The following TMEM131L variants were observed in gnomAD, a reference collection of about 807,000 sequenced individuals.
The protein encoded by TMEM131L is transmembrane 131 like, also known as transmembrane protein 131-like.
In TMEM131L, 54 loss-of-function variants were observed where a neutral mutation model predicts 192.2. The observed-to-expected ratio is 0.28, with a 90% CI of 0.23 to 0.35. The LOEUF (loss-of-function observed/expected upper bound fraction) is 0.35. Among genes scored for constraint, TMEM131L ranks in the 10% least tolerant of loss-of-function variants. TMEM131L has a pLI of 1.00. For missense variants in TMEM131L, 1,888 were observed against 1,972.9 expected (o/e 0.96, Z 0.82); for synonymous variants, 701 against 704.9 (o/e 0.99, Z 0.09).
rs1383140943 is a variant in TMEM131L at position 153,635,336 on chromosome 4, G to C, written c.4418-96G>C. The C allele has an allele frequency of 3.6e-5, 41 of 1,132,624 alleles. 1 individual carries two copies. Among genetic ancestry groups the C allele is most frequent in the Non-Finnish European group, 5.3e-5 (40 of 759,466 alleles). 70.2% of individuals were successfully genotyped at this position (1,132,624 alleles called of 1,614,324 possible). On this transcript the variant is annotated intron_variant, in intron 33 of 34. Transcript: ENST00000409959. ...AAGTATTTATGTCTGTAACTTGTCA[G>C]TATAGTGAGACCTTGAAAGCTTTTT...
intron 17 of TMEM131L, among the ~76,000 whole-genome samples, chr4:153,591,857 A>C (rs1233304316): frequency 6.6e-6 from 1 of 152,180 alleles, no homozygotes; most frequent in Non-Finnish European, 1.5e-5. Context: ...GGAGCTCCCA[A>C]AAAGAAAATC....
chr4:153,547,622 G>T (rs1737282450), intron 3 of TMEM131L, among the ~76,000 whole-genome samples: 1 of 151,952 alleles, frequency 6.6e-6, no homozygotes, highest in Non-Finnish European at 1.5e-5. Context: ...AGAGAATAAG[G>T]TTAGGACTTG....
chr4:153,623,228 ACTTT>A (rs1733582067), intron 29 of TMEM131L, 145 bp downstream of exon 29: 2 of 637,072 alleles, frequency 3.1e-6, no homozygotes, highest in African/African-American at 1.9e-5. Flanking sequence ...GGACTTACTC[ACTTT>A]CTTTTTCTTT....
rs1277444171 is a variant in TMEM131L at position 153,551,975 on chromosome 4, G to A, written c.308+1834G>A. Among the ~76,000 whole-genome samples the A allele has an allele frequency of 4.6e-5, 7 of 152,146 alleles. No homozygotes were observed. The East Asian group carries it at 9.7e-4, about 21-fold the overall frequency. On this transcript the variant is annotated intron_variant, in intron 4 of 34. Coordinates refer to ENST00000409959, the MANE Select transcript of TMEM131L (RefSeq NM_001131007.2). ...TGTAATCCCAGCACTCTGGGAGCCC[G>A]GGCTGGGCGGATCACTTGAGCTCAG... is the stretch of plus-strand genomic sequence containing the variant.
intron 4 of TMEM131L, among the ~76,000 whole-genome samples, chr4:153,552,707 A>G (rs1477148586): frequency 6.6e-6 from 1 of 151,842 alleles, no homozygotes; most frequent in Non-Finnish European, 1.5e-5. Flanking sequence ...GGTGGTGCAC[A>G]CCTGTACTTC....
intron 3 of TMEM131L, among the ~76,000 whole-genome samples, chr4:153,537,990 T>C (rs978938257): frequency 1.3e-5 from 2 of 152,206 alleles, no homozygotes; most frequent in Admixed American, 1.3e-4. Flanking sequence ...CACACAACAC[T>C]GAACAACTTT....
chr4:153,538,864 G>T lies in TMEM131L; in HGVS notation c.240-11209G>T, dbSNP rs530528963. On this transcript the variant is annotated intron_variant, in intron 3 of 34. Transcript: ENST00000409959. ...CCCAGGGTACTGGGATCTCCTACTC[G>T]TGGGACAAGGTGGAGACGTTTGTTT... 6.6e-5 allele frequency among the ~76,000 whole-genome samples: 10 copies of T among 152,320 alleles called. No individual in the cohort carries two copies. The East Asian group carries it at 1.9e-3, about 29-fold the overall frequency.
intron 3 of TMEM131L, among the ~76,000 whole-genome samples, chr4:153,516,800 TG>T (rs1324233691): frequency 6.6e-6 from 1 of 152,102 alleles, no homozygotes; most frequent in East Asian, 1.9e-4. Flanking sequence ...CAGTACTTTT[TG>T]TTCATCTTTT....
intron 26 of TMEM131L, among the ~76,000 whole-genome samples, chr4:153,613,848 T>C (rs1326459345): frequency 6.6e-6 from 1 of 152,230 alleles, no homozygotes; most frequent in African/African-American, 2.4e-5. Flanking sequence ...TTCTCTTTTA[T>C]TAAAACTTTA....
intron 3 of TMEM131L, among the ~76,000 whole-genome samples, chr4:153,547,187 TAG>T (rs1294952462): frequency 6.6e-6 from 1 of 152,234 alleles, no homozygotes; most frequent in Non-Finnish European, 1.5e-5. Context: ...GGGATCAAAA[TAG>T]AGTTTTCTTT....
At chr4:153,593,057 G>T (rs1353185509) in intron 18 of TMEM131L, among the ~76,000 whole-genome samples, 1 of 152,056 alleles carries the variant, frequency 6.6e-6, no homozygotes, top group African/African-American at 2.4e-5. Flanking sequence ...CTTATTTGAG[G>T]GTTCTCCACC....
intron 1 of TMEM131L, among the ~76,000 whole-genome samples, 195 bp from the exon 2 acceptor site, chr4:153,467,016 G>T (rs1730803685): frequency 6.6e-6 from 1 of 152,066 alleles, no homozygotes; most frequent in Admixed American, 6.5e-5. Context: ...TCGCCTTCGC[G>T]TCCGAGGGGC....
At chr4:153,582,255 G>GT (rs571988110) in intron 9 of TMEM131L, among the ~76,000 whole-genome samples, 20 of 150,874 alleles carry the variant, frequency 1.3e-4, no homozygotes, top group South Asian at 4.2e-4. Flanking sequence ...TTCTGTTTTT[G>GT]TTTTTTTTAG....
intron 29 of TMEM131L, among the ~76,000 whole-genome samples, chr4:153,623,407 G>T (rs1733595932): frequency 6.6e-6 from 1 of 152,082 alleles, no homozygotes. Context: ...GACTTCTATG[G>T]CACTAAGTGC....
chr4:153,576,284 G>T (rs1212167910), intron 7 of TMEM131L, among the ~76,000 whole-genome samples: 2 of 152,148 alleles, frequency 1.3e-5, no homozygotes, highest in African/African-American at 4.8e-5. Context: ...TTTTGAGAAA[G>T]ATATGGACTT....
intron 3 of TMEM131L, among the ~76,000 whole-genome samples, chr4:153,517,549 C>T (rs1255452560): frequency 6.6e-6 from 1 of 152,172 alleles, no homozygotes; most frequent in African/African-American, 2.4e-5. Flanking sequence ...TCTGCCCTGC[C>T]TGGGACATTA....
rs1248711180 is a variant in TMEM131L, at chr4:153,558,423, C to G, written c.660+55C>G. 6 of 1,025,738 alleles carry G rather than the reference C, an allele frequency of 5.8e-6. No individual in the cohort carries two copies. In the East Asian group the frequency reaches 9.7e-5, roughly 17 times the overall value. 63.5% of individuals were successfully genotyped at this position (1,025,738 alleles called of 1,614,324 possible). A position where few individuals can be genotyped will look rare whatever the true frequency, so the allele number is the denominator to read the frequency against. ...GGTGGCCACCAAACTTTGTAACCTT[C>G]TCAGAATTGGTTATTTTACTATTTT... On this transcript the variant is annotated intron_variant, in intron 7 of 34. Coordinates refer to ENST00000409959, the MANE Select transcript of TMEM131L (RefSeq NM_001131007.2).
intron 7 of TMEM131L, among the ~76,000 whole-genome samples, chr4:153,560,417 A>G (rs576338960): frequency 6.6e-6 from 1 of 152,358 alleles, no homozygotes; most frequent in Admixed American, 6.5e-5. Flanking sequence ...TTTCTGCTTC[A>G]GAAGATACCC....
At chr4:153,550,869 G>C (rs1737567596) in intron 4 of TMEM131L, among the ~76,000 whole-genome samples, 1 of 152,118 alleles carries the variant, frequency 6.6e-6, no homozygotes, top group Non-Finnish European at 1.5e-5. Flanking sequence ...ACTCAAGATG[G>C]GGAAGGCAGT....
Sources: allele counts gnomAD v4.1 joint callset (sites outside exome capture counted in the v4.1 genomes callset), GRCh38; gene constraint gnomAD v4.1.1; transcripts MANE v1.5; gene names NCBI Gene and HGNC (gene_info 2026-07-23, HGNC 2026-07-21).